DNAAF4: variants seen among roughly 807,000 people sequenced by gnomAD.
DNAAF4 encodes dynein axonemal assembly factor 4.
Under a neutral mutation model 51.8 loss-of-function variants are expected in DNAAF4, and 43 were observed. That is an observed-to-expected ratio of 0.83 (90% CI 0.65 to 1.07). DNAAF4 has a LOEUF of 1.07. DNAAF4 is among the 50% of genes least tolerant of loss of function. The pLI is 0.00. For missense variants in DNAAF4, 581 were observed against 493.0 expected, an observed-to-expected ratio of 1.18 and a Z score of -1.69; for synonymous variants, 194 against 165.6, an observed-to-expected ratio of 1.17 and a Z score of -1.32.
chr15:55,502,167 G>T (rs1466824960), intron 1 of DNAAF4, among the ~76,000 whole-genome samples: 1 of 152,032 alleles, frequency 6.6e-6, no homozygotes, highest in African/African-American at 2.4e-5. Context: ...TGAATTCATT[G>T]CTCACTGAGC....
At chr15:55,469,461 A>ATG (rs2058218451) in intron 4 of DNAAF4, among the ~76,000 whole-genome samples, 1 of 131,796 alleles carries the variant, frequency 7.6e-6, no homozygotes, top group South Asian at 2.4e-4. Context: ...GGTTTCTCCT[A>ATG]TGCTTACCAA....
At chr15:55,438,916 A>G (rs1168366759) in intron 7 of DNAAF4, among the ~76,000 whole-genome samples, 1 of 152,250 alleles carries the variant, frequency 6.6e-6, no homozygotes, top group African/African-American at 2.4e-5. Flanking sequence ...AGGAATTTTA[A>G]TAAGCATTCC....
At chr15:55,505,795 G>A (rs553860150) in intron 1 of DNAAF4, among the ~76,000 whole-genome samples, 9 of 152,214 alleles carry the variant, frequency 5.9e-5, no homozygotes, top group Admixed American at 2.6e-4. Flanking sequence ...GAGGGATAGC[G>A]TTAGGAGAAA....
intron 5 of DNAAF4, among the ~76,000 whole-genome samples, chr15:55,464,819 G>C (rs1012709582): frequency 6.6e-6 from 1 of 152,126 alleles, no homozygotes; most frequent in African/African-American, 2.4e-5. Context: ...GCCAGGCATG[G>C]TGGTACATGC....
chr15:55,425,877 G>C (rs1227772675), downstream of DNAAF4, among the ~76,000 whole-genome samples: 1 of 152,160 alleles, frequency 6.6e-6, no homozygotes, highest in African/African-American at 2.4e-5. Flanking sequence ...CTGCCCAATG[G>C]GTTGACCTTG....
At chr15:55,435,096 A>G in intron 7 of DNAAF4, 38 bp from the exon 8 acceptor site, 1 of 1,554,366 alleles carries the variant, frequency 6.4e-7, no homozygotes, top group Non-Finnish European at 8.7e-7. Flanking sequence ...ACAATTTAAC[A>G]TTGAAACAGA....
intron 4 of DNAAF4, among the ~76,000 whole-genome samples, chr15:55,468,214 T>C (rs1242054675): frequency 6.6e-6 from 1 of 152,232 alleles, no homozygotes; most frequent in Non-Finnish European, 1.5e-5. Flanking sequence ...TCCCTAAATG[T>C]TGTATTACTT....
intron 1 of DNAAF4, among the ~76,000 whole-genome samples, chr15:55,504,224 G>A (rs577657279): frequency 1.3e-5 from 2 of 152,132 alleles, no homozygotes; most frequent in South Asian, 4.2e-4. Flanking sequence ...GGGATGTGAA[G>A]GACCTCTTCA....
intron 4 of DNAAF4, among the ~76,000 whole-genome samples, chr15:55,469,605 C>T (rs189406822): frequency 6.7e-5 from 10 of 150,332 alleles, no homozygotes; most frequent in African/African-American, 2.2e-4. Context: ...GCCTCAGCCT[C>T]CCGAGTAGCT....
chr15:55,481,867 A>G (rs1022177491), intron 4 of DNAAF4, among the ~76,000 whole-genome samples: 3 of 152,092 alleles, frequency 2.0e-5, no homozygotes, highest in Non-Finnish European at 2.9e-5. Flanking sequence ...TCTCTCCCCT[A>G]TTGCTAATTA....
chr15:55,493,328 G>A (rs752355742), intron 3 of DNAAF4, among the ~76,000 whole-genome samples: 5 of 152,198 alleles, frequency 3.3e-5, no homozygotes, highest in Non-Finnish European at 7.3e-5. Flanking sequence ...CACAATTGAA[G>A]AGAATGTTAA....
intron 5 of DNAAF4, among the ~76,000 whole-genome samples, chr15:55,463,211 CAA>C (rs1491466940): frequency 1.3e-5 from 2 of 150,868 alleles, no homozygotes; most frequent in African/African-American, 4.9e-5. Context: ...CACACACACA[CAA>C]AGCATTTGAC....
chr15:55,505,714 A>T (rs1036429006), intron 1 of DNAAF4, among the ~76,000 whole-genome samples: 2 of 152,088 alleles, frequency 1.3e-5, no homozygotes, highest in African/African-American at 2.4e-5. Flanking sequence ...GGAGTTGAAA[A>T]ATGAGAACAC....
intron 6 of DNAAF4, chr15:55,442,668 T>C (rs2057732904): frequency 1.3e-6 from 2 of 1,519,012 alleles, no homozygotes; most frequent in African/African-American, 2.7e-5. Context: ...GCTTTATAAG[T>C]AAGCTTGTCG....
chr15:55,490,753 A>G (rs1186671385), intron 4 of DNAAF4, among the ~76,000 whole-genome samples: 3 of 152,118 alleles, frequency 2.0e-5, no homozygotes, highest in Non-Finnish European at 4.4e-5. Context: ...GGAGATCGAG[A>G]CCATCCCGGC....
At chr15:55,476,502 C>A (rs1595935385) in intron 4 of DNAAF4, among the ~76,000 whole-genome samples, 1 of 152,152 alleles carries the variant, frequency 6.6e-6, no homozygotes, top group South Asian at 2.1e-4. Flanking sequence ...CTAATTCATA[C>A]CTACAAGAAA....
chr15:55,446,300 G>GA (rs747200661), intron 6 of DNAAF4, among the ~76,000 whole-genome samples: 2 of 104,432 alleles, frequency 1.9e-5, no homozygotes, highest in Non-Finnish European at 3.8e-5. Context: ...CCCAGACGGG[G>GA]GGGGGGGGCA....
Position 55,450,246 on chromosome 15 carries a change from T to G in DNAAF4, c.759A>C (p.Glu253Asp). 6.2e-7 allele frequency: 1 copy of G among 1,612,710 alleles called. No individual in the cohort carries two copies. Among genetic ancestry groups the G allele is most frequent in the Non-Finnish European group, 8.5e-7 (1 of 1,179,744 alleles). ...CCTCCTCCTCTTCTGCTACTTGTGA[T>G]TCACGAAGAGCTGTTGGGAATACTC... ...TPRVFPTALR[E>D]SQVAEEEEWL... Residue 253 changes from glutamate to aspartate, a missense_variant, in exon 6 of 10, where the codon GAA becomes GAC. Coordinates refer to ENST00000321149, the MANE Select transcript of DNAAF4 (RefSeq NM_130810.4).
chr15:55,491,320 T>G, intron 3 of DNAAF4, 64 bp from the exon 4 acceptor site: 1 of 1,513,170 alleles, frequency 6.6e-7, no homozygotes, highest in Middle Eastern at 1.9e-4. Flanking sequence ...ATGAGAAAAC[T>G]ACTTAAATAA....
Sources: gnomAD v4.1 joint callset for allele counts (sites outside exome capture counted in the v4.1 genomes callset) on GRCh38, gnomAD v4.1.1 for gene constraint, MANE v1.5 for transcripts, NCBI Gene and HGNC (gene_info 2026-07-23, HGNC 2026-07-21) for gene names.